The following ADGRD1 variants were observed in gnomAD, a reference collection of about 807,000 sequenced individuals.
ADGRD1 encodes the protein G-protein coupled receptor 133.
In ADGRD1, 77 loss-of-function variants were observed where a neutral mutation model predicts 113.4. That is an observed-to-expected ratio of 0.68 (90% CI 0.57 to 0.82). The LOEUF (loss-of-function observed/expected upper bound fraction) is 0.82, where lower values mean the gene tolerates loss of function less well. ADGRD1 is among the 40% of genes least tolerant of loss of function. The pLI, the probability that ADGRD1 is intolerant of heterozygous loss-of-function variation, is 0.00. For missense variants in ADGRD1, 1,036 were observed against 1,139.1 expected (o/e 0.91, Z 1.30); for synonymous variants, 474 against 475.0 (o/e 1.00, Z 0.03).
chr12:131,033,713 G>A (rs377051083), intron 13 of ADGRD1, among the ~76,000 whole-genome samples: 47 of 152,320 alleles, frequency 3.1e-4, no homozygotes, highest in African/African-American at 1.1e-3. Context: ...GGCACGGGAT[G>A]TGGTGGTTGC....
intron 20 of ADGRD1, among the ~76,000 whole-genome samples, chr12:131,127,741 G>T (rs1171928195): frequency 1.4e-5 from 2 of 141,762 alleles, no homozygotes; most frequent in African/African-American, 5.2e-5. Context: ...GGTTGTGTTG[G>T]TTGTGGTGGG....
At chr12:131,087,388 C>T (rs1246075622) in intron 15 of ADGRD1, among the ~76,000 whole-genome samples, 7 of 152,254 alleles carry the variant, frequency 4.6e-5, no homozygotes, top group Non-Finnish European at 7.4e-5. Flanking sequence ...CTTGGCGCTG[C>T]GTGAGATGAA....
At chr12:131,037,827 A>G (rs1434843196) in intron 13 of ADGRD1, among the ~76,000 whole-genome samples, 1 of 122,570 alleles carries the variant, frequency 8.2e-6, no homozygotes. Context: ...TACTCACTGC[A>G]TGGGGCCTCA....
At chr12:131,010,858 G>C (rs779691037) in intron 12 of ADGRD1, among the ~76,000 whole-genome samples, 1 of 152,152 alleles carries the variant, frequency 6.6e-6, no homozygotes, top group African/African-American at 2.4e-5. Context: ...GGCTTTCCCC[G>C]GGCAGAGATG....
intron 13 of ADGRD1, among the ~76,000 whole-genome samples, chr12:131,032,002 C>T (rs1050533770): frequency 6.6e-6 from 1 of 152,216 alleles, no homozygotes; most frequent in Non-Finnish European, 1.5e-5. Flanking sequence ...CTATCGCAGC[C>T]TCCACCCTTG....
At chr12:131,098,041 G>A (rs1006048539) in intron 15 of ADGRD1, among the ~76,000 whole-genome samples, 2 of 131,656 alleles carry the variant, frequency 1.5e-5, no homozygotes, top group Non-Finnish European at 3.3e-5. Flanking sequence ...CTGCACCCCC[G>A]CGCCAGCCTC....
At chr12:131,135,389 C>T (rs1020174752) in intron 21 of ADGRD1, among the ~76,000 whole-genome samples, 34 of 152,270 alleles carry the variant, frequency 2.2e-4, no homozygotes, top group African/African-American at 7.2e-4. Flanking sequence ...GTGTGTTCAG[C>T]GATGGGGCTC....
intron 4 of ADGRD1, among the ~76,000 whole-genome samples, chr12:130,976,129 G>A (rs1430459435): frequency 1.3e-5 from 2 of 152,076 alleles, no homozygotes; most frequent in South Asian, 2.1e-4. Context: ...AATTTAAAAC[G>A]CTGTCAACAA....
rs1054948851 is a variant in ADGRD1, at chr12:131,096,148, T to G, written c.1672-8683T>G. Among the ~76,000 whole-genome samples, 7 of 152,346 alleles carry G rather than the reference T, an allele frequency of 4.6e-5. No individual in the cohort carries two copies. The highest frequency in any genetic ancestry group is 8.8e-5 in the Non-Finnish European group (6 of 68,034). ...GGGGCCCCGCTTTGCTCTTTGTTCT[T>G]TTTTTGTTTGTTTTTAAAATTTTCT... On this transcript the variant is annotated intron_variant, in intron 15 of 24. Coordinates refer to ENST00000261654, the MANE Select transcript of ADGRD1 (RefSeq NM_198827.5). This position sits in a 1 kb window ranked among gnomAD's most constrained non-coding sequence, Gnocchi z 5.2.
chr12:131,091,430 A>G (rs1886901182), intron 15 of ADGRD1, among the ~76,000 whole-genome samples: 1 of 152,234 alleles, frequency 6.6e-6, no homozygotes, highest in Non-Finnish European at 1.5e-5. Flanking sequence ...CTCTATACTA[A>G]AAGAGGAATG....
chr12:131,008,126 A>G (rs1349910075), intron 12 of ADGRD1, among the ~76,000 whole-genome samples: 1 of 152,198 alleles, frequency 6.6e-6, no homozygotes, highest in African/African-American at 2.4e-5. Flanking sequence ...GGAGGACTGA[A>G]TGAGTTAATG....
At chr12:131,021,422 C>T (rs1208310161) in intron 13 of ADGRD1, among the ~76,000 whole-genome samples, 1 of 152,162 alleles carries the variant, frequency 6.6e-6, no homozygotes, top group Non-Finnish European at 1.5e-5. Flanking sequence ...CATCCCTGGT[C>T]ACTGTCCGAT....
chr12:131,084,762 C>T lies in ADGRD1; in HGVS notation c.1671+99C>T, dbSNP rs570637612. 2.3e-6 allele frequency: 3 copies of T among 1,284,760 alleles called. No homozygotes were observed. Among genetic ancestry groups the T allele is most frequent in the Non-Finnish European group, 3.3e-6 (3 of 910,462 alleles). 79.6% of individuals were successfully genotyped at this position (1,284,760 alleles called of 1,614,324 possible). A position where few individuals can be genotyped will look rare whatever the true frequency, so the allele number is the denominator to read the frequency against. ...CTTTGCCCGCCAGTGCCCACGGGCC[C>T]TGGGCACATTACTCCATGGGGCCTG... is the stretch of plus-strand genomic sequence containing the variant. On this transcript the variant is annotated intron_variant, in intron 15 of 24. Coordinates refer to ENST00000261654, the MANE Select transcript of ADGRD1 (RefSeq NM_198827.5). This position sits in a 1 kb window ranked among gnomAD's most constrained non-coding sequence, Gnocchi z 4.5.
intron 14 of ADGRD1, among the ~76,000 whole-genome samples, chr12:131,080,637 T>C (rs1162789615): frequency 6.6e-6 from 1 of 152,226 alleles, no homozygotes; most frequent in African/African-American, 2.4e-5. Flanking sequence ...TTTATGTTTT[T>C]TGAGACAGAG....
chr12:131,085,870 C>T (rs1487960577), intron 15 of ADGRD1, among the ~76,000 whole-genome samples: 2 of 152,128 alleles, frequency 1.3e-5, no homozygotes, highest in South Asian at 2.1e-4. Flanking sequence ...AGATTTGTCA[C>T]GAGACTCATC....
chr12:131,046,176 G>T (rs978304925), intron 13 of ADGRD1, among the ~76,000 whole-genome samples: 7 of 52,392 alleles, frequency 1.3e-4, no homozygotes, highest in Non-Finnish European at 2.2e-4. Flanking sequence ...GTCCTTCCTG[G>T]TCAATGCTCC....
chr12:131,027,813 T>A lies in ADGRD1; in HGVS notation c.1473+13473T>A, dbSNP rs894081654. The A allele has an allele frequency of 6.6e-6, 1 of 152,184 alleles. No individual in the cohort carries two copies. Among genetic ancestry groups the A allele is most frequent in the African/African-American group, 2.4e-5 (1 of 41,436 alleles). The allele number at this position is 152,184 out of a possible 1,614,324, so 9.4% of individuals were successfully genotyped here. A position where few individuals can be genotyped will look rare whatever the true frequency, so the allele number is the denominator to read the frequency against. Reference sequence around the variant, plus strand: ...ATGCCTGCAGAAAAGCACGTATATGTGTGTATGGTATGACAGTTTTTACAA... The same window carrying A: ...ATGCCTGCAGAAAAGCACGTATATGAGTGTATGGTATGACAGTTTTTACAA... On this transcript the variant is annotated intron_variant, in intron 13 of 24. Coordinates refer to ENST00000261654, the MANE Select transcript of ADGRD1 (RefSeq NM_198827.5). The surrounding 1 kb of genome is among the most constrained non-coding windows in gnomAD (Gnocchi z 5.1).
chr12:131,070,844 G>A (rs1322357609), intron 13 of ADGRD1: 1 of 518,928 alleles, frequency 1.9e-6, no homozygotes, highest in Non-Finnish European at 3.8e-6. Context: ...CTAGTGCCCT[G>A]CCCATGTGGT....
At chr12:131,062,356 T>A (rs1366600196) in intron 13 of ADGRD1, among the ~76,000 whole-genome samples, 1 of 152,216 alleles carries the variant, frequency 6.6e-6, no homozygotes, top group Non-Finnish European at 1.5e-5. Flanking sequence ...AGCTTCTGAC[T>A]ATTACTAATA....
Sources: allele counts gnomAD v4.1 joint callset (sites outside exome capture counted in the v4.1 genomes callset), GRCh38; gene constraint gnomAD v4.1.1; non-coding constraint Gnocchi (gnomAD v3.1); transcripts MANE v1.5; gene names NCBI Gene and HGNC (gene_info 2026-07-23, HGNC 2026-07-21).